NAV3: variants seen among roughly 807,000 people sequenced by gnomAD.
NAV3 encodes neuron navigator 3, also known as pore membrane and/or filament interacting like protein 1.
In NAV3, 87 loss-of-function variants were observed where a neutral mutation model predicts 244.7. The observed-to-expected ratio is 0.36, with a 90% CI of 0.30 to 0.42. The LOEUF (loss-of-function observed/expected upper bound fraction) is 0.42, where lower values mean the gene tolerates loss of function less well. Ranked by LOEUF, NAV3 falls within the 20% of genes least tolerant of loss-of-function variation. NAV3 has a pLI of 1.00. For missense variants in NAV3, 2,663 were observed against 2,893.3 expected, an observed-to-expected ratio of 0.92 and a Z score of 1.83; for synonymous variants, 1,126 against 1,042.2, an observed-to-expected ratio of 1.08 and a Z score of -1.55.
chr12:77,691,777 T>C (rs551184911), intron 2 of NAV3, among the ~76,000 whole-genome samples: 1 of 151,898 alleles, frequency 6.6e-6, no homozygotes, highest in African/African-American at 2.4e-5. Flanking sequence ...TGTAATGATA[T>C]ACTATTTACA....
intron 3 of NAV3, among the ~76,000 whole-genome samples, chr12:77,949,662 G>A (rs1224950686): frequency 6.6e-6 from 1 of 151,862 alleles, no homozygotes; most frequent in African/African-American, 2.4e-5. Context: ...CAACAGAGTA[G>A]TATATTTGTT....
At chr12:77,784,020 G>A (rs931816936) in intron 2 of NAV3, among the ~76,000 whole-genome samples, 2 of 152,128 alleles carry the variant, frequency 1.3e-5, no homozygotes, top group Non-Finnish European at 2.9e-5. Flanking sequence ...ATATCAACTT[G>A]TGTGAATATG....
chr12:77,619,243 T>C (rs773103202), intron 2 of NAV3, among the ~76,000 whole-genome samples: 1 of 152,164 alleles, frequency 6.6e-6, no homozygotes, highest in Non-Finnish European at 1.5e-5. Context: ...CCCCTTAGGT[T>C]TATTAATGCT....
At chr12:77,653,735 C>G (rs1872934603) in intron 2 of NAV3, among the ~76,000 whole-genome samples, 2 of 152,116 alleles carry the variant, frequency 1.3e-5, no homozygotes, top group African/African-American at 4.8e-5. Flanking sequence ...GTGAATACAA[C>G]ATAATGCTCT....
intron 2 of NAV3, among the ~76,000 whole-genome samples, chr12:77,676,719 A>T (rs1234954455): frequency 6.6e-6 from 1 of 152,080 alleles, no homozygotes; most frequent in Non-Finnish European, 1.5e-5. Flanking sequence ...TAGGACAAAT[A>T]CCTAATGCAT....
At chr12:77,946,976 A>T (rs1890408790) in intron 3 of NAV3, among the ~76,000 whole-genome samples, 1 of 152,108 alleles carries the variant, frequency 6.6e-6, no homozygotes, top group Non-Finnish European at 1.5e-5. Flanking sequence ...GATCTGGCAA[A>T]TGTATTTCAC....
intron 36 of NAV3, chr12:78,199,025 T>C: frequency 1.8e-6 from 1 of 544,162 alleles, no homozygotes; most frequent in Non-Finnish European, 3.5e-6. Flanking sequence ...GTGAGAAATG[T>C]GAAGAGAGTT....
chr12:78,198,734 AG>A (rs1959265159), intron 36 of NAV3, 58 bp downstream of exon 36: 2 of 268,334 alleles, frequency 7.5e-6, no homozygotes, highest in African/African-American at 3.9e-5. Context: ...TGGGGGGGGC[AG>A]GGGAGGGGGT....
chr12:78,036,659 T>A, intron 9 of NAV3: 1 of 478,944 alleles, frequency 2.1e-6, no homozygotes, highest in Non-Finnish European at 3.7e-6. Context: ...TATTTGTAAG[T>A]ACTGCTGATT....
At chr12:77,961,196 T>C (rs932827339) in intron 3 of NAV3, among the ~76,000 whole-genome samples, 28 of 137,550 alleles carry the variant, frequency 2.0e-4, no homozygotes, top group Admixed American at 4.8e-4. Flanking sequence ...CAATATATAA[T>C]ATATATTTTA....
At chr12:78,020,030 A>G (rs1767617387) in intron 8 of NAV3, among the ~76,000 whole-genome samples, 1 of 152,214 alleles carries the variant, frequency 6.6e-6, no homozygotes, top group Non-Finnish European at 1.5e-5. Flanking sequence ...AACCAATACA[A>G]TGAATATGAT....
At chr12:77,925,305 T>A (rs911770848) in intron 1 of NAV3, among the ~76,000 whole-genome samples, 2 of 152,208 alleles carry the variant, frequency 1.3e-5, no homozygotes, top group Non-Finnish European at 2.9e-5. Flanking sequence ...GAATTTGAAA[T>A]TTGGGGCTAA....
intron 39 of NAV3, among the ~76,000 whole-genome samples, chr12:78,209,875 ACCT>A (rs1270900397): frequency 6.6e-6 from 1 of 151,808 alleles, no homozygotes; most frequent in Non-Finnish European, 1.5e-5. Context: ...TCATTCAGTC[ACCT>A]CCTCCCGAGG....
At chr12:77,750,511 C>G (rs576668729) in intron 2 of NAV3, among the ~76,000 whole-genome samples, 16 of 151,530 alleles carry the variant, frequency 1.1e-4, no homozygotes, top group Non-Finnish European at 2.4e-4. Context: ...CCATTGCACT[C>G]CAACCTGAGC....
intron 2 of NAV3, among the ~76,000 whole-genome samples, chr12:77,628,398 G>C (rs73425567): frequency 0.12 from 18,763 of 152,006 alleles, 2,178 homozygotes; most frequent in African/African-American, 0.31. Context: ...TGGAAATAAG[G>C]TATACTTAAA....
chr12:78,176,962 G>A (rs1958254689), intron 26 of NAV3, among the ~76,000 whole-genome samples, 179 bp from the exon 27 acceptor site: 1 of 151,948 alleles, frequency 6.6e-6, no homozygotes, highest in South Asian at 2.1e-4. Flanking sequence ...AGAATAAAAT[G>A]AACACACAAA....
chr12:77,733,457 A>G (rs1877207229), intron 2 of NAV3, among the ~76,000 whole-genome samples: 1 of 151,790 alleles, frequency 6.6e-6, no homozygotes, highest in African/African-American at 2.4e-5. Context: ...GAGAGAGAGA[A>G]TATGTGTGAC....
intron 28 of NAV3, 33 bp downstream of exon 28, chr12:78,177,718 A>C: frequency 6.3e-7 from 1 of 1,581,882 alleles, no homozygotes; most frequent in Non-Finnish European, 8.6e-7. Context: ...AATACTGCAA[A>C]GATCCAGGTT....
chr12:77,645,902 G>T (rs991632101), intron 2 of NAV3, among the ~76,000 whole-genome samples: 1 of 152,086 alleles, frequency 6.6e-6, no homozygotes, highest in African/African-American at 2.4e-5. Flanking sequence ...CTAGGACACT[G>T]TATCAGGCAA....
Sources: allele counts gnomAD v4.1 joint callset (sites outside exome capture counted in the v4.1 genomes callset), GRCh38; gene constraint gnomAD v4.1.1; transcripts MANE v1.5; gene names NCBI Gene and HGNC (gene_info 2026-07-23, HGNC 2026-07-21).